The following HSD17B12 variants were observed in gnomAD, a reference collection of about 807,000 sequenced individuals.
HSD17B12 encodes the protein hydroxysteroid 17-beta dehydrogenase 12, also known as very-long-chain 3-oxoacyl-CoA reductase.
In HSD17B12, 32 loss-of-function variants were observed where a neutral mutation model predicts 39.3. That is an observed-to-expected ratio of 0.81 (90% CI 0.61 to 1.09). The LOEUF (loss-of-function observed/expected upper bound fraction) is 1.09, where lower values mean the gene tolerates loss of function less well. HSD17B12 is among the 50% of genes least tolerant of loss of function. The pLI, the probability that HSD17B12 is intolerant of heterozygous loss-of-function variation, is 0.00. For synonymous variants in HSD17B12, 150 were observed against 146.7 expected, an observed-to-expected ratio of 1.02 and a Z score of -0.16; for missense variants, 342 against 382.9, an observed-to-expected ratio of 0.89 and a Z score of 0.89.
At chr11:43,657,560 T>C in the HSD17B12 span, among the ~76,000 whole-genome samples, 1 of 152,192 alleles carries the variant, frequency 6.6e-6, no homozygotes, top group Non-Finnish European at 1.5e-5. Context: ...TTTCCATGTT[T>C]AGTGCTTCCT....
At chr11:43,828,117 A>G (rs939620178) in intron 6 of HSD17B12, among the ~76,000 whole-genome samples, 2 of 151,770 alleles carry the variant, frequency 1.3e-5, no homozygotes, top group African/African-American at 4.8e-5. Context: ...GTAGAAGCAC[A>G]ATTGTAGAAA....
the HSD17B12 span, among the ~76,000 whole-genome samples, chr11:43,586,628 A>T: frequency 6.6e-6 from 1 of 152,160 alleles, no homozygotes; most frequent in South Asian, 2.1e-4. Flanking sequence ...TGTCCCCAAG[A>T]TATTTTTTTA....
At chr11:43,804,262 C>T (rs973389905) in intron 4 of HSD17B12, among the ~76,000 whole-genome samples, 4 of 152,308 alleles carry the variant, frequency 2.6e-5, no homozygotes, top group African/African-American at 9.6e-5. Context: ...CTCTCAAGGC[C>T]TTCTCTGTCC....
At chr11:43,582,207 G>GC in the HSD17B12 span, among the ~76,000 whole-genome samples, 1 of 152,196 alleles carries the variant, frequency 6.6e-6, no homozygotes, top group East Asian at 1.9e-4. Flanking sequence ...AACTGGGGAA[G>GC]CCCCCGCAGA....
intron 1 of HSD17B12, among the ~76,000 whole-genome samples, chr11:43,728,469 A>G (rs1017739957): frequency 9.9e-5 from 15 of 152,078 alleles, no homozygotes; most frequent in Admixed American, 5.2e-4. Context: ...TAGAAAATCC[A>G]GCTAAGTAAA....
At chr11:43,803,487 CCA>C (rs1950990106) in intron 4 of HSD17B12, among the ~76,000 whole-genome samples, 1 of 152,090 alleles carries the variant, frequency 6.6e-6, no homozygotes, top group Non-Finnish European at 1.5e-5. Flanking sequence ...TTTTTTTCTA[CCA>C]AGTTTTAATG....
chr11:43,806,748 G>A (rs972778345), intron 4 of HSD17B12, among the ~76,000 whole-genome samples: 5 of 152,144 alleles, frequency 3.3e-5, no homozygotes, highest in Non-Finnish European at 7.4e-5. Flanking sequence ...TACTTAGATG[G>A]AAGAAATAAG....
At chr11:43,742,806 T>G (rs1217887518) in intron 1 of HSD17B12, among the ~76,000 whole-genome samples, 1 of 151,920 alleles carries the variant, frequency 6.6e-6, no homozygotes, top group Non-Finnish European at 1.5e-5. Context: ...CTCTGTTTTC[T>G]CAGAAAAAAT....
chr11:43,825,901 T>C lies in HSD17B12; in HGVS notation c.502-5075T>C, dbSNP rs528755097. Among the ~76,000 whole-genome samples, 590 of 151,570 alleles carry C rather than the reference T, an allele frequency of 3.9e-3. 1 individual carries two copies. The highest frequency in any genetic ancestry group is 4.7e-3 in the Non-Finnish European group (320 of 67,882). ...GCTAGGTTATAGGATAAATGCCTTA[T>C]ATACGAGTGAAAATGAAAAATCTCT... On this transcript the variant is annotated intron_variant, in intron 6 of 10. Coordinates refer to ENST00000278353, the MANE Select transcript of HSD17B12 (RefSeq NM_016142.3).
chr11:43,835,925 T>G (rs538041627), intron 7 of HSD17B12, among the ~76,000 whole-genome samples: 5 of 152,268 alleles, frequency 3.3e-5, no homozygotes, highest in African/African-American at 1.2e-4. Context: ...AAAGGAACTT[T>G]TATTATCTTT....
At chr11:43,646,201 G>T in the HSD17B12 span, 1 of 152,326 alleles carries the variant, frequency 6.6e-6, no homozygotes, top group Non-Finnish European at 1.5e-5. Context: ...AAGCTGGCTG[G>T]GTATGTACAT....
chr11:43,834,267 T>C (rs1217398999), intron 7 of HSD17B12: 2 of 152,164 alleles, frequency 1.3e-5, no homozygotes, highest in Non-Finnish European at 2.9e-5. Context: ...TTCAGTATTA[T>C]ATTTAAGCTT....
chr11:43,578,070 C>T, the HSD17B12 span, among the ~76,000 whole-genome samples: 1 of 152,128 alleles, frequency 6.6e-6, no homozygotes, highest in Non-Finnish European at 1.5e-5. Context: ...TGCTGATTAA[C>T]TCCAGGAGAG....
intron 1 of HSD17B12, among the ~76,000 whole-genome samples, chr11:43,704,135 A>G (rs912994927): frequency 3.3e-5 from 5 of 152,258 alleles, no homozygotes; most frequent in Non-Finnish European, 7.3e-5. Context: ...TGTAATTCCC[A>G]TCACAATATT....
chr11:43,804,819 T>G (rs1203607109), intron 4 of HSD17B12, among the ~76,000 whole-genome samples: 2 of 152,220 alleles, frequency 1.3e-5, no homozygotes, highest in African/African-American at 4.8e-5. Flanking sequence ...TCAGAGTAAC[T>G]CTGTCTCTGT....
At chr11:43,762,880 G>C (rs1950565840) in intron 3 of HSD17B12, among the ~76,000 whole-genome samples, 1 of 152,128 alleles carries the variant, frequency 6.6e-6, no homozygotes, top group Admixed American at 6.5e-5. Flanking sequence ...AGTACATGTT[G>C]AGCCATATTT....
At chr11:43,659,536 A>AC in the HSD17B12 span, among the ~76,000 whole-genome samples, 1 of 152,018 alleles carries the variant, frequency 6.6e-6, no homozygotes, top group Non-Finnish European at 1.5e-5. Context: ...TCTTGGCTCC[A>AC]CCCCCCAGTT....
intron 1 of HSD17B12, among the ~76,000 whole-genome samples, chr11:43,715,159 A>G (rs1950109335): frequency 6.6e-6 from 1 of 152,006 alleles, no homozygotes; most frequent in Non-Finnish European, 1.5e-5. Flanking sequence ...TTCCAACACT[A>G]TGTTGAATAG....
At chr11:43,840,211 C>A in intron 9 of HSD17B12, 147 bp downstream of exon 9, 1 of 605,416 alleles carries the variant, frequency 1.7e-6, no homozygotes, top group Non-Finnish European at 2.8e-6. Flanking sequence ...GTTTCTTTTT[C>A]CTTAATGCAC....
Sources: allele counts gnomAD v4.1 joint callset (sites outside exome capture counted in the v4.1 genomes callset), GRCh38; gene constraint gnomAD v4.1.1; transcripts MANE v1.5; gene names NCBI Gene and HGNC (gene_info 2026-07-23, HGNC 2026-07-21).